The following KCNK9 variants were observed in gnomAD, a reference collection of about 807,000 sequenced individuals.
The protein encoded by KCNK9 is potassium channel subfamily K member 9.
A neutral mutation model predicts 10.8 loss-of-function variants in KCNK9; 1 was observed. The observed-to-expected ratio is 0.09, with a 90% CI of 0.03 to 0.44. KCNK9 has a LOEUF of 0.44. Ranked by LOEUF, KCNK9 falls within the 20% of genes least tolerant of loss-of-function variation. The pLI is 0.97. For synonymous variants in KCNK9, 231 were observed against 222.7 expected, an observed-to-expected ratio of 1.04 and a Z score of -0.33; for missense variants, 303 against 515.0, an observed-to-expected ratio of 0.59 and a Z score of 3.98.
At chr8:139,660,159 C>T (rs1019691801) in intron 1 of KCNK9, among the ~76,000 whole-genome samples, 10 of 152,074 alleles carry the variant, frequency 6.6e-5, no homozygotes, top group African/African-American at 1.7e-4. Context: ...AGAAGGTACA[C>T]GTTGAGCCTC....
chr8:139,645,290 G>T (rs1815641263), intron 1 of KCNK9, among the ~76,000 whole-genome samples: 1 of 152,108 alleles, frequency 6.6e-6, no homozygotes, highest in Non-Finnish European at 1.5e-5. Context: ...ACCTTCTAAA[G>T]GCTCAGACCG....
In KCNK9 at chr8:139,702,726, C is replaced by A; in HGVS notation, c.267G>T (p.Thr89=). Residue 89 remains threonine, a synonymous_variant, in exon 1 of 2, where the codon ACG becomes ACT. Transcript: ENST00000520439. The surrounding 1 kb of genome is among the most constrained non-coding windows in gnomAD (Gnocchi z 7.5). ...AGCCCTTACCTATGGTGGTGATGACCGTGATCGCAAAGTAGAAGGAGCCGG... is the reference window on the plus strand; with the variant it reads ...AGCCCTTACCTATGGTGGTGATGACAGTGATCGCAAAGTAGAAGGAGCCGG... The part of the protein sequence containing the change: ...KFAGSFYFAI[T]VITTIGYGHA... 7 of 1,610,938 alleles carry A rather than the reference C, an allele frequency of 4.3e-6. No individual in the cohort carries two copies. Among genetic ancestry groups the A allele is most frequent in the Admixed American group, 1.7e-5 (1 of 59,854 alleles).
intron 1 of KCNK9, among the ~76,000 whole-genome samples, chr8:139,682,738 C>T (rs143818769): frequency 4.0e-4 from 61 of 152,342 alleles, no homozygotes; most frequent in African/African-American, 1.4e-3. Flanking sequence ...CACATAAGCA[C>T]AGGCCCTGGC....
At chr8:139,677,739 C>A (rs1447389650) in intron 1 of KCNK9, among the ~76,000 whole-genome samples, 1 of 144,988 alleles carries the variant, frequency 6.9e-6, no homozygotes, top group Non-Finnish European at 1.5e-5. Context: ...CGGGTCCCTA[C>A]AGCTTCAGAG....
At chr8:139,694,649 C>A (rs1048048078) in intron 1 of KCNK9, among the ~76,000 whole-genome samples, 4 of 152,196 alleles carry the variant, frequency 2.6e-5, no homozygotes, top group African/African-American at 9.7e-5. Context: ...TCTCCAGATG[C>A]CTGGCCCAGC....
intron 1 of KCNK9, among the ~76,000 whole-genome samples, chr8:139,670,618 G>A (rs767755199): frequency 6.6e-6 from 1 of 152,174 alleles, no homozygotes; most frequent in East Asian, 1.9e-4. Flanking sequence ...TTTGGGTTTC[G>A]GAGAGGATCC....
chr8:139,659,787 G>T (rs1816107366), intron 1 of KCNK9, among the ~76,000 whole-genome samples: 2 of 151,314 alleles, frequency 1.3e-5, no homozygotes. Context: ...CTCCCAAAGT[G>T]CTGGGAATAC....
intron 1 of KCNK9, among the ~76,000 whole-genome samples, chr8:139,686,393 CA>C (rs1816787978): frequency 6.6e-6 from 1 of 152,102 alleles, no homozygotes; most frequent in African/African-American, 2.4e-5. Context: ...CCAGAATCTA[CA>C]AAGAACTTAA....
Position 139,643,201 on chromosome 8 carries a change from C to T in KCNK9, c.284-24102G>A, listed in dbSNP as rs371359469. Among the ~76,000 whole-genome samples the T allele has an allele frequency of 2.6e-5, 4 of 152,236 alleles. No individual in the cohort carries two copies. In the East Asian group the frequency reaches 5.8e-4, roughly 22 times the overall value. ...ACAAAGCAGGGGCTGCACACCAGCA[C>T]CAGGCTCAGTCACAGCCTAAAACCC... On this transcript the variant is annotated intron_variant, in intron 1 of 1. Coordinates refer to ENST00000520439, the MANE Select transcript of KCNK9 (RefSeq NM_001282534.2).
chr8:139,631,018 A>G (rs10111050), intron 1 of KCNK9, among the ~76,000 whole-genome samples: 1 of 152,224 alleles, frequency 6.6e-6, no homozygotes, highest in Admixed American at 6.5e-5. Flanking sequence ...GGCTCTGCGC[A>G]GCGCCGGCCA....
intron 1 of KCNK9, among the ~76,000 whole-genome samples, chr8:139,622,269 G>A (rs1814810396): frequency 6.6e-6 from 1 of 152,162 alleles, no homozygotes; most frequent in African/African-American, 2.4e-5. Flanking sequence ...TGGGGAACAG[G>A]ACCATTCCCT....
intron 1 of KCNK9, among the ~76,000 whole-genome samples, chr8:139,644,725 C>CA (rs965495216): frequency 2.7e-5 from 4 of 148,804 alleles, no homozygotes; most frequent in Non-Finnish European, 3.0e-5. Context: ...TCCCCCCCCC[C>CA]CAGAGCCTCC....
chr8:139,618,659 C>T lies in KCNK9; in HGVS notation c.724G>A (p.Val242Ile). ...LTVIGAFLNL[V>I]VLRFLTMNSE... ...TTCATGGTCAAGAACCTGAGGACGA[C>T]CAGGTTGAGGAAGGCCCCGATGACC... is the stretch of plus-strand genomic sequence containing the variant. Residue 242 changes from valine to isoleucine, a missense_variant, in exon 2 of 2, where the codon GTC becomes ATC. Val to Ile is a conservative substitution (Grantham distance 29). Transcript: ENST00000520439. This position sits in a 1 kb window ranked among gnomAD's most constrained non-coding sequence, Gnocchi z 7.9. The T allele has an allele frequency of 6.2e-7, 1 of 1,614,190 alleles. No individual in the cohort carries two copies.
chr8:139,625,414 C>T (rs540167586), intron 1 of KCNK9, among the ~76,000 whole-genome samples: 35 of 152,328 alleles, frequency 2.3e-4, no homozygotes, highest in African/African-American at 7.0e-4. Context: ...CGTGAGCTCC[C>T]GAGGAGAGCA....
At chr8:139,601,141 GCT>G (rs1360333472) in exon 3 of KCNK9, 1 of 152,222 alleles carries the variant, frequency 6.6e-6, no homozygotes. Context: ...CGGCACGCAG[GCT>G]CTGAGTCTGT....
chr8:139,676,804 T>G (rs1816560094), intron 1 of KCNK9, among the ~76,000 whole-genome samples: 1 of 151,960 alleles, frequency 6.6e-6, no homozygotes, highest in African/African-American at 2.4e-5. Context: ...ACAAAAAAAT[T>G]AGCTGAGTGT....
At chr8:139,672,604 C>T (rs1181173564) in intron 1 of KCNK9, among the ~76,000 whole-genome samples, 3 of 152,228 alleles carry the variant, frequency 2.0e-5, no homozygotes, top group Non-Finnish European at 4.4e-5. Context: ...GAGGCTGCCC[C>T]CAGGGGAGCC....
intron 1 of KCNK9, among the ~76,000 whole-genome samples, chr8:139,640,784 C>A (rs1470743470): frequency 6.6e-6 from 1 of 152,224 alleles, no homozygotes; most frequent in Non-Finnish European, 1.5e-5. Context: ...TGAAATTTAG[C>A]ATTTCTTGTT....
Position 139,647,435 on chromosome 8 carries a change from T to C in KCNK9, c.284-28336A>G, listed in dbSNP as rs192591026. Among the ~76,000 whole-genome samples the C allele has an allele frequency of 3.1e-3, 477 of 152,246 alleles. 1 individual carries two copies. The highest frequency in any genetic ancestry group is 0.011 in the African/African-American group (463 of 41,548). On this transcript the variant is annotated intron_variant, in intron 1 of 1. Coordinates refer to ENST00000520439, the MANE Select transcript of KCNK9 (RefSeq NM_001282534.2). The stretch of plus-strand genomic sequence containing the variant: ...TGCCTTTGTGCAGCTCAGATTCTCA[T>C]GTGGGAGGGGGCAGGGCGGGAGACA...
Sources: gnomAD v4.1 joint callset for allele counts (sites outside exome capture counted in the v4.1 genomes callset) on GRCh38, gnomAD v4.1.1 for gene constraint, Gnocchi (gnomAD v3.1) non-coding constraint, MANE v1.5 for transcripts, NCBI Gene and HGNC (gene_info 2026-07-23, HGNC 2026-07-21) for gene names.